PHTF2: variants seen among roughly 807,000 people sequenced by gnomAD.
The protein encoded by PHTF2 is protein PHTF2.
PHTF2 carries 60 observed loss-of-function variants against 101.2 expected under a neutral mutation model. That is an observed-to-expected ratio of 0.59 (90% CI 0.48 to 0.73). The LOEUF (loss-of-function observed/expected upper bound fraction) is 0.73, where lower values mean the gene tolerates loss of function less well. Among genes scored for constraint, PHTF2 ranks in the 30% least tolerant of loss-of-function variants. The pLI is 0.00. For missense variants in PHTF2, 747 were observed against 908.7 expected, an observed-to-expected ratio of 0.82 and a Z score of 2.29; for synonymous variants, 311 against 307.3, an observed-to-expected ratio of 1.01 and a Z score of -0.13.
chr7:77,883,153 T>C (rs1169710003), intron 3 of PHTF2, among the ~76,000 whole-genome samples: 2 of 152,264 alleles, frequency 1.3e-5, no homozygotes, highest in Non-Finnish European at 2.9e-5. Context: ...GTAGTAGTTA[T>C]GAGCAAAATC....
At chr7:77,893,565 G>A in intron 3 of PHTF2, 43 bp from the exon 3 acceptor site, 1 of 785,494 alleles carries the variant, frequency 1.3e-6, no homozygotes, top group Non-Finnish European at 2.2e-6. Flanking sequence ...CTATTTGATG[G>A]GTACCAGCAA....
At chr7:77,867,620 A>G (rs1476805143) in intron 3 of PHTF2, among the ~76,000 whole-genome samples, 2 of 152,252 alleles carry the variant, frequency 1.3e-5, no homozygotes, top group African/African-American at 2.4e-5. Context: ...AAGCAGAGAC[A>G]TTAGTATACT....
chr7:77,923,626 A>C, intron 11 of PHTF2: 1 of 982,734 alleles, frequency 1.0e-6, no homozygotes, highest in Non-Finnish European at 1.2e-6. Context: ...CACTAATGCC[A>C]GTGTGTCTGC....
At chr7:77,854,026 G>A (rs1179767175) in intron 2 of PHTF2, among the ~76,000 whole-genome samples, 3 of 152,184 alleles carry the variant, frequency 2.0e-5, no homozygotes, top group East Asian at 3.9e-4. Context: ...GGACATTGAA[G>A]AGTTAGGTAT....
intron 11 of PHTF2, among the ~76,000 whole-genome samples, chr7:77,925,620 CT>C (rs931933097): frequency 2.5e-4 from 37 of 148,224 alleles, no homozygotes; most frequent in African/African-American, 8.4e-4. Flanking sequence ...AGTGATTCTC[CT>C]GCCTCAGCTA....
At chr7:77,833,902 T>C (rs190890426) in intron 1 of PHTF2, among the ~76,000 whole-genome samples, 1 of 152,278 alleles carries the variant, frequency 6.6e-6, no homozygotes, top group Non-Finnish European at 1.5e-5. Context: ...GTAACACTAA[T>C]TTAAGTAGTA....
intron 1 of PHTF2, among the ~76,000 whole-genome samples, chr7:77,803,217 CAT>C (rs1191238982): frequency 6.6e-6 from 1 of 152,006 alleles, no homozygotes; most frequent in African/African-American, 2.4e-5. Context: ...ATAATCATAA[CAT>C]GATTAAATTT....
rs574668098 is a variant in PHTF2 at position 77,924,786 on chromosome 7, T to C, written c.1119+2008T>C. On this transcript the variant is annotated intron_variant, in intron 11 of 19. Coordinates refer to ENST00000416283, the Ensembl canonical transcript of PHTF2. ...CAGTCTTCTGGTGGGATGGGGGTAG[T>C]AGATAATAAAACAGGCTGCTCTGGT... Among the ~76,000 whole-genome samples, 208 of 152,276 alleles carry C rather than the reference T, an allele frequency of 1.4e-3. 4 individuals are homozygous for C. The highest frequency in any genetic ancestry group is 4.4e-5 in the Non-Finnish European group (3 of 68,000).
At chr7:77,830,694 A>G (rs1445361336) in intron 1 of PHTF2, among the ~76,000 whole-genome samples, 3 of 152,222 alleles carry the variant, frequency 2.0e-5, no homozygotes, top group Non-Finnish European at 2.9e-5. Flanking sequence ...GTTTGACTGC[A>G]CAGAGATCAT....
intron 1 of PHTF2, among the ~76,000 whole-genome samples, chr7:77,803,848 A>G (rs1204595064): frequency 6.6e-6 from 1 of 152,190 alleles, no homozygotes; most frequent in Non-Finnish European, 1.5e-5. Flanking sequence ...CATTTTACCC[A>G]CACAAAAGAA....
intron 11 of PHTF2, among the ~76,000 whole-genome samples, chr7:77,925,893 G>A (rs894006103): frequency 2.0e-5 from 3 of 151,652 alleles, no homozygotes; most frequent in African/African-American, 4.8e-5. Context: ...CCGTCTCTAC[G>A]AAAAATACAA....
intron 16 of PHTF2, among the ~76,000 whole-genome samples, chr7:77,944,973 CAG>C (rs1411358445): frequency 1.3e-5 from 2 of 152,080 alleles, no homozygotes; most frequent in African/African-American, 4.8e-5. Flanking sequence ...AAATACAGGA[CAG>C]AGATAAAGAG....
At chr7:77,926,572 AG>A (rs1254529413) in intron 11 of PHTF2, among the ~76,000 whole-genome samples, 5 of 151,986 alleles carry the variant, frequency 3.3e-5, no homozygotes, top group African/African-American at 1.2e-4. Flanking sequence ...ACCTGTGGTA[AG>A]GAGATGGCCA....
intron 1 of PHTF2, among the ~76,000 whole-genome samples, chr7:77,813,768 A>G (rs554261373): frequency 6.6e-6 from 1 of 152,238 alleles, no homozygotes; most frequent in Admixed American, 6.5e-5. Flanking sequence ...ACAGATTGAA[A>G]CATTGGTTTC....
intron 1 of PHTF2, among the ~76,000 whole-genome samples, chr7:77,833,791 A>T (rs1298855858): frequency 6.6e-6 from 1 of 152,210 alleles, no homozygotes; most frequent in African/African-American, 2.4e-5. Context: ...AAGCCACTGC[A>T]CTTCAGTCTG....
At chr7:77,833,626 TTGG>T (rs1230075987) in intron 1 of PHTF2, among the ~76,000 whole-genome samples, 2 of 152,018 alleles carry the variant, frequency 1.3e-5, no homozygotes, top group African/African-American at 4.8e-5. Context: ...ATAGCCTAGT[TTGG>T]TGGCATGCAA....
chr7:77,834,637 T>C (rs569659636), intron 1 of PHTF2, among the ~76,000 whole-genome samples: 6 of 152,164 alleles, frequency 3.9e-5, no homozygotes, highest in Non-Finnish European at 7.3e-5. Flanking sequence ...TATTGAGTTG[T>C]GGAATATCTG....
At chr7:77,832,728 G>A (rs1005722032) in intron 1 of PHTF2, among the ~76,000 whole-genome samples, 4 of 151,910 alleles carry the variant, frequency 2.6e-5, no homozygotes, top group Admixed American at 2.6e-4. Context: ...CCCCAGATGG[G>A]ACCATCTAGT....
chr7:77,863,572 AT>A (rs1015359710), intron 3 of PHTF2, among the ~76,000 whole-genome samples: 147 of 150,060 alleles, frequency 9.8e-4, no homozygotes, highest in African/African-American at 3.3e-3. Flanking sequence ...AGGATTAAAG[AT>A]TTTTTTTTTC....
Sources: gnomAD v4.1 joint callset for allele counts (sites outside exome capture counted in the v4.1 genomes callset) on GRCh38, gnomAD v4.1.1 for gene constraint, MANE v1.5 for transcripts, NCBI Gene and HGNC (gene_info 2026-07-23, HGNC 2026-07-21) for gene names.